Variants in MORC1 observed in about 807,000 individuals in gnomAD.
MORC1 encodes MORC family CW-type zinc finger 1, also known as MORC family CW-type zinc finger protein 1.
Under a neutral mutation model 134.9 loss-of-function variants are expected in MORC1, and 59 were observed. The ratio of observed to expected loss-of-function variants is 0.44; its 90% confidence interval spans 0.35 to 0.54. The LOEUF is 0.54. Ranked by LOEUF, MORC1 falls within the 20% of genes least tolerant of loss-of-function variation. The pLI, the probability that MORC1 is intolerant of heterozygous loss-of-function variation, is 0.00. For missense variants in MORC1, 947 were observed against 1,134.5 expected, an observed-to-expected ratio of 0.83 and a Z score of 2.37; for synonymous variants, 395 against 391.7, an observed-to-expected ratio of 1.01 and a Z score of -0.10.
At position 108,958,337 on chromosome 3, in the gene MORC1, A is replaced by T. The variant is rs1029848134; in HGVS notation, c.*628T>A. On this transcript the variant is annotated 3_prime_UTR_variant, in exon 28 of 28. Transcript: ENST00000232603. ...CTTATCAAGAAAAGTGTAAAAACATACTTCTTTACGTATATGTAAATGTAA... is the reference window on the plus strand; with the variant it reads ...CTTATCAAGAAAAGTGTAAAAACATTCTTCTTTACGTATATGTAAATGTAA... 2 of 152,008 alleles carry T rather than the reference A, an allele frequency of 1.3e-5. No homozygotes were observed. Among genetic ancestry groups the T allele is most frequent in the African/African-American group, 4.8e-5 (2 of 41,430 alleles). The allele number at this position is 152,008 out of a possible 1,614,324, so 9.4% of individuals were successfully genotyped here.
At chr3:109,090,133 A>T (rs544640612) in intron 8 of MORC1, among the ~76,000 whole-genome samples, 1 of 152,168 alleles carries the variant, frequency 6.6e-6, no homozygotes, top group South Asian at 2.1e-4. Context: ...ATTTAAGTGG[A>T]AACAGGTCAC....
At chr3:109,110,717 A>T (rs771763275) in intron 3 of MORC1, 32 bp downstream of exon 3, 2 of 1,548,154 alleles carry the variant, frequency 1.3e-6, no homozygotes, top group Non-Finnish European at 8.8e-7. Context: ...TTCCATTAGA[A>T]GAAAATAAAA....
chr3:109,039,209 C>A (rs1399629504), intron 14 of MORC1, among the ~76,000 whole-genome samples: 1 of 152,180 alleles, frequency 6.6e-6, no homozygotes, highest in Non-Finnish European at 1.5e-5. Context: ...AGCCACCGTG[C>A]CCCGCCTGCT....
chr3:109,012,699 A>G (rs921317948), intron 17 of MORC1, among the ~76,000 whole-genome samples: 5 of 152,170 alleles, frequency 3.3e-5, no homozygotes, highest in African/African-American at 1.2e-4. Context: ...TTTCAATTTC[A>G]ATTTCCAACT....
At chr3:109,001,226 A>G (rs1315220669) in intron 20 of MORC1, among the ~76,000 whole-genome samples, 1 of 151,944 alleles carries the variant, frequency 6.6e-6, no homozygotes, top group Non-Finnish European at 1.5e-5. Context: ...TCCACCTTCC[A>G]GTTTCAAGCA....
intron 26 of MORC1, among the ~76,000 whole-genome samples, chr3:108,968,942 T>C (rs910440586): frequency 5.9e-4 from 86 of 145,844 alleles, no homozygotes; most frequent in African/African-American, 2.1e-3. Context: ...AGTTCACATC[T>C]TGGAGTACCA....
rs760510677 is a variant in MORC1, at chr3:109,052,975, CAGA to C, written c.1330+1750_1330+1752del. Among the ~76,000 whole-genome samples the C allele has an allele frequency of 1.1e-4, 17 of 152,002 alleles. No homozygotes were observed. The East Asian group carries it at 3.1e-3, about 28-fold the overall frequency. ...GCAAAGAACACAAACAGATACTTCT[CAGA>C]AGAAGACATACATGCAGCCAACAAA... On this transcript the variant is annotated intron_variant, in intron 14 of 27. Transcript: ENST00000232603.
At chr3:109,093,389 T>C (rs778472456) in intron 8 of MORC1, 47 bp downstream of exon 8, 25 of 1,454,804 alleles carry the variant, frequency 1.7e-5, no homozygotes, top group Non-Finnish European at 2.2e-5. Flanking sequence ...CTCCTAACTC[T>C]AGCTCACCAC....
At chr3:109,069,399 A>G (rs1422098721) in intron 9 of MORC1, among the ~76,000 whole-genome samples, 3 of 152,110 alleles carry the variant, frequency 2.0e-5, no homozygotes, top group Non-Finnish European at 4.4e-5. Context: ...ACAAATTTCT[A>G]CTCGGGGTGA....
At chr3:109,101,121 G>A (rs548910997) in intron 4 of MORC1, among the ~76,000 whole-genome samples, 106 of 152,258 alleles carry the variant, frequency 7.0e-4, no homozygotes, top group Non-Finnish European at 1.1e-3. Context: ...CTTATATCAC[G>A]GTGTTGCTGA....
rs1317892015 is a variant in MORC1, at chr3:108,958,538, T to G, written c.*427A>C. On this transcript the variant is annotated 3_prime_UTR_variant, in exon 28 of 28. Transcript: ENST00000232603. ...TGGAGAAAGGGCATAATGTCTTTCT[T>G]TTTCAATATCTTCAAGAGGAGGTGA... is the stretch of plus-strand genomic sequence containing the variant. 2 of 152,174 alleles carry G rather than the reference T, an allele frequency of 1.3e-5. No individual in the cohort carries two copies. The highest frequency in any genetic ancestry group is 4.8e-5 in the African/African-American group (2 of 41,440). 9.4% of individuals were successfully genotyped at this position (152,174 alleles called of 1,614,324 possible).
At chr3:108,972,540 G>C (rs2107401886) in intron 24 of MORC1, among the ~76,000 whole-genome samples, 1 of 152,290 alleles carries the variant, frequency 6.6e-6, no homozygotes, top group South Asian at 2.1e-4. Flanking sequence ...ACTCCTTAGA[G>C]TTATTTGTCT....
intron 4 of MORC1, among the ~76,000 whole-genome samples, chr3:109,103,451 A>G (rs1950966620): frequency 6.6e-6 from 1 of 152,216 alleles, no homozygotes; most frequent in African/African-American, 2.4e-5. Flanking sequence ...CCTCGAGGTT[A>G]AGCAAAATTA....
intron 27 of MORC1, among the ~76,000 whole-genome samples, chr3:108,962,589 G>A (rs1947110836): frequency 6.6e-6 from 1 of 152,120 alleles, no homozygotes; most frequent in Non-Finnish European, 1.5e-5. Flanking sequence ...TCCTGTTCCA[G>A]CACTCAGGGC....
intron 8 of MORC1, among the ~76,000 whole-genome samples, chr3:109,089,409 T>C (rs1950675154): frequency 6.6e-6 from 1 of 152,084 alleles, no homozygotes; most frequent in African/African-American, 2.4e-5. Context: ...GAATCCATAC[T>C]AACCACATAG....
chr3:109,004,888 T>G lies in MORC1; in HGVS notation c.2014A>C (p.Arg672=). 2.5e-6 allele frequency: 4 copies of G among 1,612,924 alleles called. No individual in the cohort carries two copies. The highest frequency in any genetic ancestry group is 3.4e-6 in the Non-Finnish European group (4 of 1,179,708). The part of the protein sequence containing the change: ...ENVKLAERSQ[R]SQIANITTVW... ...GTGGTAATATTAGCAATCTGACTTC[T>G]CTTTCAAAACAGAGAATACAGAAAA... The change falls in exon 20 of 28, where the codon AGA becomes CGA. Residue 672 remains arginine (R), a splice_region_variant and synonymous_variant. Coordinates refer to ENST00000232603, the MANE Select transcript of MORC1 (RefSeq NM_014429.4).
At chr3:109,005,857 T>C (rs1247865893) in intron 18 of MORC1, among the ~76,000 whole-genome samples, 1 of 152,184 alleles carries the variant, frequency 6.6e-6, no homozygotes, top group African/African-American at 2.4e-5. Flanking sequence ...CATATCATTA[T>C]CCTCCATAGT....
intron 17 of MORC1, among the ~76,000 whole-genome samples, chr3:109,020,162 A>G (rs976919562): frequency 6.6e-6 from 1 of 152,250 alleles, no homozygotes; most frequent in East Asian, 1.9e-4. Context: ...AAAACAAAAC[A>G]AAACAAAACT....
intron 23 of MORC1, among the ~76,000 whole-genome samples, chr3:108,982,491 C>T (rs976137673): frequency 6.6e-6 from 1 of 150,408 alleles, no homozygotes; most frequent in Non-Finnish European, 1.5e-5. Flanking sequence ...AGCAAAAAAA[C>T]ACTGCATGTT....
Sources: allele counts gnomAD v4.1 joint callset (sites outside exome capture counted in the v4.1 genomes callset), GRCh38; gene constraint gnomAD v4.1.1; transcripts MANE v1.5; gene names NCBI Gene and HGNC (gene_info 2026-07-23, HGNC 2026-07-21).